Variants in CFAP299 observed in about 807,000 individuals in gnomAD.
The protein encoded by CFAP299 is cilia- and flagella-associated protein 299.
In CFAP299, 21 loss-of-function variants were observed where a neutral mutation model predicts 27.0. That is an observed-to-expected ratio of 0.78 (90% confidence interval 0.55 to 1.12). The LOEUF is 1.12. Ranked by LOEUF, CFAP299 falls within the 50% of genes most tolerant of loss-of-function variation. CFAP299 has a pLI of 0.00. For missense variants in CFAP299, 310 were observed against 276.6 expected (o/e 1.12, Z -0.86); for synonymous variants, 104 against 98.1 (o/e 1.06, Z -0.36).
intron 3 of CFAP299, among the ~76,000 whole-genome samples, chr4:80,591,105 ATTTTTTTTTTTTT>A (rs70944795): frequency 3.2e-5 from 4 of 126,862 alleles, no homozygotes; most frequent in Admixed American, 2.5e-4. Context: ...ACTTTAGGAA[ATTTTTTTTTTTTT>A]TTTTTTTTTT....
chr4:80,757,032 C>T (rs1019193261), intron 3 of CFAP299, among the ~76,000 whole-genome samples: 3 of 151,996 alleles, frequency 2.0e-5, no homozygotes, highest in Non-Finnish European at 4.4e-5. Context: ...GGATTTTAAC[C>T]ATTTCATGTG....
intron 3 of CFAP299, among the ~76,000 whole-genome samples, chr4:80,633,219 C>T (rs1158113726): frequency 6.6e-6 from 1 of 152,198 alleles, no homozygotes; most frequent in African/African-American, 2.4e-5. Flanking sequence ...GAGGCCGAGG[C>T]GGGCGGATCA....
intron 4 of CFAP299, among the ~76,000 whole-genome samples, chr4:80,937,308 C>CTTTTTTTTTTTT (rs1736948672): frequency 2.2e-5 from 2 of 90,818 alleles, no homozygotes; most frequent in African/African-American, 1.0e-4. Context: ...CTTTTTTTTT[C>CTTTTTTTTTTTT]TTTCTTTTTT....
intron 4 of CFAP299, among the ~76,000 whole-genome samples, chr4:80,928,029 A>G (rs147680920): frequency 2.0e-5 from 3 of 152,262 alleles, no homozygotes; most frequent in African/African-American, 7.2e-5. Context: ...CACTTAAGAA[A>G]GTTACTTTAA....
intron 2 of CFAP299, among the ~76,000 whole-genome samples, chr4:80,462,574 C>G (rs986489833): frequency 6.6e-6 from 1 of 152,132 alleles, no homozygotes; most frequent in African/African-American, 2.4e-5. Flanking sequence ...TATCCCTTCC[C>G]CACCCCCATC....
intron 2 of CFAP299, among the ~76,000 whole-genome samples, chr4:80,519,089 C>T (rs1382942040): frequency 6.6e-6 from 1 of 152,074 alleles, no homozygotes. Context: ...TCTGCTTCAT[C>T]TTTGCAATTC....
chr4:80,475,057 A>C (rs1458592309), intron 2 of CFAP299, among the ~76,000 whole-genome samples: 1 of 152,110 alleles, frequency 6.6e-6, no homozygotes, highest in East Asian at 1.9e-4. Flanking sequence ...CAGACAGAGG[A>C]AATAATGACT....
intron 3 of CFAP299, among the ~76,000 whole-genome samples, chr4:80,689,993 C>T (rs1161728263): frequency 1.3e-5 from 2 of 149,312 alleles, no homozygotes; most frequent in Non-Finnish European, 2.9e-5. Flanking sequence ...GAAGAGCTAA[C>T]TATCCTAAAT....
At chr4:80,732,801 C>A (rs1448953342) in intron 3 of CFAP299, among the ~76,000 whole-genome samples, 3 of 152,076 alleles carry the variant, frequency 2.0e-5, no homozygotes, top group Admixed American at 2.0e-4. Context: ...TATAATGGAT[C>A]TTCAACGATG....
intron 2 of CFAP299, among the ~76,000 whole-genome samples, chr4:80,426,955 T>C (rs908455514): frequency 6.6e-6 from 1 of 152,216 alleles, no homozygotes; most frequent in Non-Finnish European, 1.5e-5. Context: ...TGTTGATATC[T>C]AGGTTTCTTT....
At chr4:80,429,434 T>G (rs1378900446) in intron 2 of CFAP299, among the ~76,000 whole-genome samples, 1 of 152,184 alleles carries the variant, frequency 6.6e-6, no homozygotes, top group Non-Finnish European at 1.5e-5. Context: ...GAAATGTTTC[T>G]CCTTTAACTT....
chr4:80,799,657 ATTATATTTTAT>A lies in CFAP299; in HGVS notation c.334-70335_334-70325del, dbSNP rs1728191358. Among the ~76,000 whole-genome samples the A allele has an allele frequency of 1.1e-4, 2 of 17,960 alleles. 1 individual carries two copies. 11.8% of individuals were successfully genotyped at this position (17,960 alleles called of 152,430 possible). A position where few individuals can be genotyped will look rare whatever the true frequency, so the allele number is the denominator to read the frequency against. On this transcript the variant is annotated intron_variant, in intron 3 of 5. Transcript: ENST00000358105. ...AATATATAAAATATATATTTTATATATTATATTTTATAAATATATATTTATAAATATATAAT... is the reference window on the plus strand; with the variant it reads ...AATATATAAAATATATATTTTATATAAAATATATATTTATAAATATATAAT...
intron 2 of CFAP299, among the ~76,000 whole-genome samples, chr4:80,366,673 G>A (rs1560532307): frequency 2.0e-5 from 3 of 152,094 alleles, no homozygotes; most frequent in Admixed American, 6.6e-5. Context: ...AAAATTCAAC[G>A]TAGAGTTACT....
intron 5 of CFAP299, among the ~76,000 whole-genome samples, chr4:80,947,735 G>C (rs1737548628): frequency 6.6e-6 from 1 of 152,082 alleles, no homozygotes; most frequent in Non-Finnish European, 1.5e-5. Flanking sequence ...AAAATAAGTA[G>C]AAAGACACTT....
chr4:80,533,886 A>T (rs1733595294), intron 2 of CFAP299, among the ~76,000 whole-genome samples: 1 of 152,150 alleles, frequency 6.6e-6, no homozygotes, highest in African/African-American at 2.4e-5. Flanking sequence ...TGGGTATATG[A>T]TCTGGATCTC....
chr4:80,417,971 C>A (rs1188953873), intron 2 of CFAP299, among the ~76,000 whole-genome samples: 1 of 152,126 alleles, frequency 6.6e-6, no homozygotes, highest in Non-Finnish European at 1.5e-5. Flanking sequence ...TCTGCTGGCA[C>A]CTTGATCTTG....
intron 4 of CFAP299, among the ~76,000 whole-genome samples, chr4:80,913,053 A>T (rs1004423035): frequency 1.3e-5 from 2 of 152,130 alleles, no homozygotes; most frequent in East Asian, 1.9e-4. Context: ...ATAATGAGAA[A>T]TTTTTTATAA....
chr4:80,376,057 G>A (rs1048923012), intron 2 of CFAP299, among the ~76,000 whole-genome samples: 3 of 152,240 alleles, frequency 2.0e-5, no homozygotes, highest in South Asian at 2.1e-4. Flanking sequence ...TTTCATTACC[G>A]CAAAAAGTTT....
intron 3 of CFAP299, among the ~76,000 whole-genome samples, chr4:80,833,704 A>C (rs929893091): frequency 4.7e-4 from 71 of 152,202 alleles, no homozygotes; most frequent in African/African-American, 1.4e-3. Flanking sequence ...CAGAATTTCA[A>C]CTGCAAGTAA....
Sources: allele counts gnomAD v4.1 joint callset (sites outside exome capture counted in the v4.1 genomes callset), GRCh38; gene constraint gnomAD v4.1.1; transcripts MANE v1.5; gene names NCBI Gene and HGNC (gene_info 2026-07-23, HGNC 2026-07-21).